RHPN2: variants seen among roughly 807,000 people sequenced by gnomAD.
RHPN2 encodes the protein rhophilin-2.
A neutral mutation model predicts 79.0 loss-of-function variants in RHPN2; 40 were observed. The ratio of observed to expected loss-of-function variants is 0.51; its 90% CI spans 0.39 to 0.66. The LOEUF (loss-of-function observed/expected upper bound fraction) is 0.66. RHPN2 is among the 30% of genes least tolerant of loss of function. The pLI, the probability that RHPN2 is intolerant of heterozygous loss-of-function variation, is 0.00. For missense variants in RHPN2, 686 were observed against 883.5 expected, an observed-to-expected ratio of 0.78 and a Z score of 2.83; for synonymous variants, 285 against 363.5, an observed-to-expected ratio of 0.78 and a Z score of 2.46.
At chr19:32,985,907 T>C (rs1971610054) in intron 14 of RHPN2, among the ~76,000 whole-genome samples, 1 of 152,198 alleles carries the variant, frequency 6.6e-6, no homozygotes, top group Non-Finnish European at 1.5e-5. Context: ...ACTAGGATTA[T>C]AGGAGTGAGC....
intron 14 of RHPN2, among the ~76,000 whole-genome samples, chr19:32,985,864 T>C (rs1209938873): frequency 6.6e-6 from 1 of 152,194 alleles, no homozygotes. Context: ...ACTCCTGGCT[T>C]CAAGTGATCC....
intron 5 of RHPN2, among the ~76,000 whole-genome samples, chr19:33,012,281 T>A (rs8104097): frequency 0.79 from 119,945 of 151,664 alleles, 48,129 homozygotes; most frequent in African/African-American, 0.92. Context: ...ACCTCAGGTG[T>A]TCCACCCGCT....
intron 2 of RHPN2, among the ~76,000 whole-genome samples, chr19:33,029,484 C>T (rs1971993324): frequency 1.3e-5 from 2 of 148,740 alleles, no homozygotes; most frequent in Admixed American, 6.7e-5. Context: ...TGAGATAGCA[C>T]CACTGCACTC....
At chr19:33,027,984 G>C (rs1025163874) in intron 2 of RHPN2, among the ~76,000 whole-genome samples, 1 of 151,784 alleles carries the variant, frequency 6.6e-6, no homozygotes, top group African/African-American at 2.4e-5. Flanking sequence ...TAATCAATGA[G>C]GCAAATAAAG....
rs751277287 is a variant in RHPN2, at chr19:33,002,927, C to A, written c.834G>T (p.Val278=). ...CTTGTGCAAGCATCATTTTGACGAG[C>A]ACGCTGAGCATGGCAGGGCTCATGT... is the stretch of plus-strand genomic sequence containing the variant. The part of the protein sequence containing the change: ...SYDMSPAMLS[V]LVKMMLAQAQ... The change falls in exon 8 of 15, where the codon GTG becomes GTT. Residue 278 remains valine, a synonymous_variant. Coordinates refer to ENST00000254260, the MANE Select transcript of RHPN2 (RefSeq NM_033103.5). 7.4e-6 allele frequency: 12 copies of A among 1,613,950 alleles called. No individual in the cohort carries two copies. Among genetic ancestry groups the A allele is most frequent in the Non-Finnish European group, 1.0e-5 (12 of 1,179,876 alleles).
At chr19:33,038,757 A>G (rs1206137926) in intron 2 of RHPN2, among the ~76,000 whole-genome samples, 1 of 151,846 alleles carries the variant, frequency 6.6e-6, no homozygotes, top group Non-Finnish European at 1.5e-5. Context: ...TCCTGGGCTC[A>G]GGGGATTCTC....
intron 4 of RHPN2, among the ~76,000 whole-genome samples, chr19:33,014,554 C>T (rs2145240487): frequency 6.6e-6 from 1 of 152,226 alleles, no homozygotes; most frequent in East Asian, 2.0e-4. Context: ...GATCCTCCCA[C>T]CTCAGCTTCC....
chr19:33,035,903 T>A (rs1481375056), intron 2 of RHPN2, among the ~76,000 whole-genome samples: 1 of 152,002 alleles, frequency 6.6e-6, no homozygotes, highest in Non-Finnish European at 1.5e-5. Context: ...GACCACCAGG[T>A]CAGGAGATAT....
At chr19:33,056,334 A>G (rs952001823) in intron 1 of RHPN2, among the ~76,000 whole-genome samples, 1 of 150,522 alleles carries the variant, frequency 6.6e-6, no homozygotes, top group African/African-American at 2.4e-5. Context: ...CTGGTCTCGA[A>G]CTCCCAACCT....
intron 2 of RHPN2, among the ~76,000 whole-genome samples, chr19:33,030,896 G>A (rs1378119556): frequency 1.3e-5 from 2 of 152,152 alleles, no homozygotes; most frequent in African/African-American, 4.8e-5. Context: ...CCATTTTAGG[G>A]ACCAGTCACA....
At chr19:33,060,418 C>G (rs1972270008) in intron 1 of RHPN2, among the ~76,000 whole-genome samples, 2 of 152,212 alleles carry the variant, frequency 1.3e-5, no homozygotes, top group African/African-American at 4.8e-5. Context: ...ATCATTCCAA[C>G]CTCCTCATCA....
chr19:33,007,953 G>A lies in RHPN2; in HGVS notation c.760+61C>T, dbSNP rs1450692469. Reference sequence around the variant, plus strand: ...ACCTGTAGATTCTCTTCAGTGGGGGGTCCCCTGGTGCCACCGGGTGGGGCC... The same window carrying A: ...ACCTGTAGATTCTCTTCAGTGGGGGATCCCCTGGTGCCACCGGGTGGGGCC... On this transcript the variant is annotated intron_variant, in intron 7 of 14. Coordinates refer to ENST00000254260, the MANE Select transcript of RHPN2 (RefSeq NM_033103.5). 3 of 1,583,340 alleles carry A rather than the reference G, an allele frequency of 1.9e-6. No homozygotes were observed. The African/African-American group carries it at 4.0e-5, about 21-fold the overall frequency.
intron 2 of RHPN2, among the ~76,000 whole-genome samples, chr19:33,028,158 T>TTC (rs1216798524): frequency 3.4e-5 from 5 of 145,272 alleles, no homozygotes; most frequent in African/African-American, 1.2e-4. Flanking sequence ...AATCAATTCT[T>TTC]TTTTTTTTTT....
intron 1 of RHPN2, among the ~76,000 whole-genome samples, chr19:33,058,964 G>A (rs935796417): frequency 2.6e-5 from 4 of 151,952 alleles, no homozygotes; most frequent in Admixed American, 6.6e-5. Flanking sequence ...GCATGGTGGC[G>A]CACATCTGTA....
At chr19:33,016,630 A>G (rs938146110) in intron 4 of RHPN2, among the ~76,000 whole-genome samples, 2 of 152,016 alleles carry the variant, frequency 1.3e-5, no homozygotes, top group Non-Finnish European at 2.9e-5. Flanking sequence ...GCAGTGAGCC[A>G]AGATTGCGCC....
At chr19:33,002,187 T>A (rs1971753596) in intron 9 of RHPN2, 60 bp downstream of exon 9, 2 of 1,577,910 alleles carry the variant, frequency 1.3e-6, no homozygotes, top group South Asian at 2.3e-5. Flanking sequence ...CAGCTCAGAA[T>A]CGCCCCTGGG....
chr19:33,000,151 T>C (rs1971737577), intron 9 of RHPN2, among the ~76,000 whole-genome samples: 1 of 150,872 alleles, frequency 6.6e-6, no homozygotes, highest in Non-Finnish European at 1.5e-5. Context: ...GGATCAAATG[T>C]GTGAGCCACT....
intron 11 of RHPN2, among the ~76,000 whole-genome samples, chr19:32,994,399 A>AGC (rs1568310855): frequency 1.3e-5 from 2 of 150,686 alleles, no homozygotes; most frequent in African/African-American, 4.9e-5. Flanking sequence ...CCGGGGGGAA[A>AGC]AAAAAAGTGA....
intron 2 of RHPN2, among the ~76,000 whole-genome samples, chr19:33,035,869 C>T (rs368399039): frequency 6.6e-6 from 1 of 152,146 alleles, no homozygotes; most frequent in Non-Finnish European, 1.5e-5. Flanking sequence ...ATAATCCCAG[C>T]ACTTTGGGAG....
Sources: allele counts gnomAD v4.1 joint callset (sites outside exome capture counted in the v4.1 genomes callset), GRCh38; gene constraint gnomAD v4.1.1; transcripts MANE v1.5; gene names NCBI Gene and HGNC (gene_info 2026-07-23, HGNC 2026-07-21).